The following EXOC6 variants were observed in gnomAD, a reference collection of about 807,000 sequenced individuals.
EXOC6 encodes the protein exocyst complex component 6, also known as SEC15-like 1.
Under a neutral mutation model 112.5 loss-of-function variants are expected in EXOC6, and 60 were observed. The observed-to-expected ratio is 0.53, with a 90% CI of 0.43 to 0.66. EXOC6 has a LOEUF of 0.66. Ranked by LOEUF, EXOC6 falls within the 30% of genes least tolerant of loss-of-function variation. The pLI, the probability that EXOC6 is intolerant of heterozygous loss-of-function variation, is 0.00. For missense variants in EXOC6, 855 were observed against 957.1 expected, an observed-to-expected ratio of 0.89 and a Z score of 1.41; for synonymous variants, 295 against 308.0, an observed-to-expected ratio of 0.96 and a Z score of 0.44.
At chr10:92,943,959 G>A (rs1379209354) in intron 13 of EXOC6, among the ~76,000 whole-genome samples, 1 of 152,244 alleles carries the variant, frequency 6.6e-6, no homozygotes, top group South Asian at 2.1e-4. Context: ...ACTTCTGTGA[G>A]TGTGACTGTT....
At chr10:92,885,489 C>T (rs1050989951) in intron 1 of EXOC6, among the ~76,000 whole-genome samples, 2 of 151,810 alleles carry the variant, frequency 1.3e-5, no homozygotes, top group Non-Finnish European at 2.9e-5. Context: ...AAGTGATTCT[C>T]CTGCCTCAGC....
Position 92,859,156 on chromosome 10 carries a change from C to T in EXOC6, c.101+10522C>T, listed in dbSNP as rs184862484. Among the ~76,000 whole-genome samples, 214 of 152,180 alleles carry T rather than the reference C, an allele frequency of 1.4e-3. 1 individual carries two copies. Among genetic ancestry groups the T allele is most frequent in the African/African-American group, 4.6e-3 (189 of 41,506 alleles). Reference sequence around the variant, plus strand: ...TTTGTTATTATTGTTGAAAACTGGACGATTTAGATAACGTAGCAACTCTCG... The same window carrying T: ...TTTGTTATTATTGTTGAAAACTGGATGATTTAGATAACGTAGCAACTCTCG... On this transcript the variant is annotated intron_variant, in intron 1 of 21. Transcript: ENST00000260762.
chr10:92,909,419 T>C lies in EXOC6; in HGVS notation c.459-8T>C, dbSNP rs756426633. 6 of 1,575,256 alleles carry C rather than the reference T, an allele frequency of 3.8e-6. No homozygotes were observed. Among genetic ancestry groups the C allele is most frequent in the South Asian group, 1.2e-5 (1 of 84,474 alleles). The stretch of plus-strand genomic sequence containing the variant: ...TTTTATAGAGTTTTCTTTTTTAACT[T>C]CTCACAGGTACTATTCTGCCCTAAA... On this transcript the variant is annotated splice_region_variant and splice_polypyrimidine_tract_variant and intron_variant, in intron 5 of 21. Coordinates refer to ENST00000260762, the MANE Select transcript of EXOC6 (RefSeq NM_019053.6).
chr10:93,051,562 A>G (rs1846292569), intron 20 of EXOC6, among the ~76,000 whole-genome samples: 1 of 152,226 alleles, frequency 6.6e-6, no homozygotes, highest in African/African-American at 2.4e-5. Context: ...ATTCTGTGCT[A>G]CATGTGGAGT....
intron 20 of EXOC6, among the ~76,000 whole-genome samples, chr10:93,025,357 G>A (rs1359748680): frequency 6.6e-6 from 1 of 152,146 alleles, no homozygotes; most frequent in African/African-American, 2.4e-5. Flanking sequence ...AAATTGGAGA[G>A]CACCTAAAAA....
At chr10:92,960,779 G>C (rs1564864830) in intron 17 of EXOC6, among the ~76,000 whole-genome samples, 1 of 152,076 alleles carries the variant, frequency 6.6e-6, no homozygotes, top group Non-Finnish European at 1.5e-5. Flanking sequence ...ATCATACAGA[G>C]TGCATCTTTT....
intron 1 of EXOC6, among the ~76,000 whole-genome samples, chr10:92,885,406 G>A (rs549567105): frequency 1.3e-5 from 2 of 150,480 alleles, no homozygotes; most frequent in Non-Finnish European, 3.0e-5. Flanking sequence ...TGAGATGGGA[G>A]TCTTTCCCTG....
chr10:92,970,622 CTAAAG>C (rs1257874354), intron 17 of EXOC6, among the ~76,000 whole-genome samples: 1 of 152,190 alleles, frequency 6.6e-6, no homozygotes, highest in Non-Finnish European at 1.5e-5. Context: ...TCTGTTTTAT[CTAAAG>C]TAATGTTTAT....
intron 20 of EXOC6, among the ~76,000 whole-genome samples, chr10:93,042,941 T>C (rs1182778196): frequency 1.4e-5 from 2 of 143,716 alleles, no homozygotes; most frequent in Non-Finnish European, 3.0e-5. Context: ...ATTATTATTA[T>C]TATTATTATT....
rs773222023 is a variant in EXOC6 at position 92,920,048 on chromosome 10, T to C, written c.886T>C (p.Leu296=). The change falls in exon 8 of 22, where the codon TTG becomes CTG. Residue 296 remains leucine (L), a splice_region_variant and synonymous_variant. Transcript: ENST00000260762. ...TCGATGTTTGCACATTTATTCTGTT[T>C]TGGTAAGTATGTTTTATATTTATGT... The part of the protein sequence containing the change: ...VYRCLHIYSV[L]GDEETFENYY... 1 of 1,589,168 alleles carries C rather than the reference T, an allele frequency of 6.3e-7. No individual in the cohort carries two copies. The highest frequency in any genetic ancestry group is 1.7e-4 in the Middle Eastern group (1 of 5,918).
intron 18 of EXOC6, among the ~76,000 whole-genome samples, chr10:92,986,666 G>T (rs1843021019): frequency 6.9e-6 from 1 of 145,782 alleles, no homozygotes. Context: ...ACATATCTGG[G>T]TAAATATCTT....
intron 1 of EXOC6, among the ~76,000 whole-genome samples, chr10:92,889,076 A>G (rs2133798451): frequency 6.6e-6 from 1 of 152,334 alleles, no homozygotes; most frequent in South Asian, 2.1e-4. Flanking sequence ...AGTGGTAGTC[A>G]GATCCTTTGG....
intron 19 of EXOC6, among the ~76,000 whole-genome samples, chr10:93,003,114 A>C (rs1204249230): frequency 6.6e-6 from 1 of 152,204 alleles, no homozygotes; most frequent in Admixed American, 6.5e-5. Flanking sequence ...ATTGAAATAT[A>C]AGCACCAACA....
At chr10:92,898,379 A>G (rs2133834247) in intron 4 of EXOC6, among the ~76,000 whole-genome samples, 1 of 151,398 alleles carries the variant, frequency 6.6e-6, no homozygotes, top group African/African-American at 2.4e-5. Flanking sequence ...GCAGTAGGCC[A>G]TGATCGTGCC....
At chr10:92,987,637 A>G (rs1001282278) in intron 18 of EXOC6, 24 of 985,006 alleles carry the variant, frequency 2.4e-5, no homozygotes, top group Non-Finnish European at 2.9e-5. Context: ...TCATGCAGCC[A>G]TGTCGGTAAG....
At chr10:92,894,893 G>A in intron 3 of EXOC6, 37 bp from the exon 4 acceptor site, 1 of 1,606,282 alleles carries the variant, frequency 6.2e-7, no homozygotes, top group Non-Finnish European at 8.5e-7. Flanking sequence ...TTCTTTAACT[G>A]TTTGTTTAAA....
intron 17 of EXOC6, among the ~76,000 whole-genome samples, chr10:92,965,823 A>G (rs991135700): frequency 2.0e-5 from 3 of 152,170 alleles, no homozygotes; most frequent in Non-Finnish European, 4.4e-5. Flanking sequence ...TTTTCTAATG[A>G]TTATATTTGT....
intron 17 of EXOC6, among the ~76,000 whole-genome samples, chr10:92,970,598 C>T (rs1193903166): frequency 6.6e-6 from 1 of 152,318 alleles, no homozygotes; most frequent in Non-Finnish European, 1.5e-5. Flanking sequence ...ATATAATTAA[C>T]ATTAACTTAA....
At chr10:92,897,209 T>G (rs1849873244) in intron 4 of EXOC6, among the ~76,000 whole-genome samples, 1 of 152,180 alleles carries the variant, frequency 6.6e-6, no homozygotes, top group African/African-American at 2.4e-5. Context: ...TAAAGGGAAG[T>G]AGAGGTCAGC....
Sources: gnomAD v4.1 joint callset for allele counts (sites outside exome capture counted in the v4.1 genomes callset) on GRCh38, gnomAD v4.1.1 for gene constraint, MANE v1.5 for transcripts, NCBI Gene and HGNC (gene_info 2026-07-23, HGNC 2026-07-21) for gene names.